The following PTPRD variants were observed in gnomAD, a reference collection of about 807,000 sequenced individuals.
PTPRD encodes the protein receptor-type tyrosine-protein phosphatase delta.
A neutral mutation model predicts 214.5 loss-of-function variants in PTPRD; 34 were observed. The ratio of observed to expected loss-of-function variants is 0.16; its 90% CI spans 0.12 to 0.21. PTPRD has a LOEUF of 0.21. Ranked by LOEUF, PTPRD falls within the 10% of genes least tolerant of loss-of-function variation. The pLI, the probability that PTPRD is intolerant of heterozygous loss-of-function variation, is 1.00. For synonymous variants in PTPRD, 1,128 were observed against 845.7 expected (o/e 1.33, Z -5.79); for missense variants, 2,545 against 2,398.7 (o/e 1.06, Z -1.27).
chr9:10,496,716 G>C (rs991361231), intron 2 of PTPRD, among the ~76,000 whole-genome samples: 1 of 151,962 alleles, frequency 6.6e-6, no homozygotes, highest in Non-Finnish European at 1.5e-5. Flanking sequence ...GTGATGTTGA[G>C]CATTTTTGCA....
chr9:9,778,510 G>A (rs955120064), intron 5 of PTPRD, among the ~76,000 whole-genome samples: 2 of 152,162 alleles, frequency 1.3e-5, no homozygotes, highest in African/African-American at 4.8e-5. Flanking sequence ...GTTCTCAGCT[G>A]ACCTCCGAGT....
At chr9:9,251,389 A>G (rs62532749) in intron 9 of PTPRD, among the ~76,000 whole-genome samples, 18,956 of 152,104 alleles carry the variant, frequency 0.12, 1,342 homozygotes, top group Middle Eastern at 0.16. Context: ...CCCTATACAT[A>G]TTCATACATA....
intron 44 of PTPRD, among the ~76,000 whole-genome samples, chr9:8,321,684 T>A (rs751545944): frequency 1.3e-5 from 2 of 151,634 alleles, no homozygotes; most frequent in Admixed American, 1.3e-4. Flanking sequence ...TTAAAGATAC[T>A]CTTTTCCTTA....
In PTPRD at chr9:10,034,003, G is replaced by C. The variant is rs542852635; in HGVS notation, c.-544-213C>G. On this transcript the variant is annotated intron_variant, in intron 3 of 45. Coordinates refer to ENST00000381196, the MANE Select transcript of PTPRD (RefSeq NM_002839.4). ...AGTATTGTAGCCTATAATATTTAAA[G>C]AATATACAGAATCTTTTAGAAGAAT... is the stretch of plus-strand genomic sequence containing the variant. Among the ~76,000 whole-genome samples the C allele has an allele frequency of 6.6e-5, 10 of 152,138 alleles. No individual in the cohort carries two copies. In the South Asian group the frequency reaches 2.1e-3, roughly 32 times the overall value.
intron 9 of PTPRD, among the ~76,000 whole-genome samples, chr9:9,265,262 T>C (rs937480532): frequency 3.3e-5 from 5 of 151,482 alleles, no homozygotes; most frequent in African/African-American, 7.3e-5. Context: ...TTGACTTGTG[T>C]TTATTTATTT....
At chr9:9,938,687 C>A (rs1246786633) in intron 4 of PTPRD, 77 bp from the exon 5 acceptor site, 2 of 152,108 alleles carry the variant, frequency 1.3e-5, no homozygotes, top group African/African-American at 4.8e-5. Flanking sequence ...TTATCTTTTC[C>A]TGTCACATTA....
chr9:9,230,685 C>T (rs6477376), intron 9 of PTPRD, among the ~76,000 whole-genome samples: 113,097 of 151,940 alleles, frequency 0.74, 42,382 homozygotes, highest in African/African-American at 0.76. Context: ...TTGCTTGGTA[C>T]GGAAAAACTC....
chr9:9,130,388 G>A (rs920736458), intron 10 of PTPRD, among the ~76,000 whole-genome samples: 2 of 152,056 alleles, frequency 1.3e-5, no homozygotes, highest in African/African-American at 2.4e-5. Flanking sequence ...TCCAAGTCAC[G>A]TAAACAGAAT....
At chr9:9,993,357 C>T (rs750974202) in intron 4 of PTPRD, among the ~76,000 whole-genome samples, 11 of 152,166 alleles carry the variant, frequency 7.2e-5, no homozygotes, top group Non-Finnish European at 1.3e-4. Flanking sequence ...CAAGAATGTT[C>T]AAGGTCGTAT....
intron 5 of PTPRD, among the ~76,000 whole-genome samples, chr9:9,845,644 G>C (rs1041136184): frequency 6.6e-6 from 1 of 151,968 alleles, no homozygotes; most frequent in African/African-American, 2.4e-5. Flanking sequence ...ATGTTGGATT[G>C]AGGCAGGTCT....
chr9:8,998,490 T>G (rs951302925), intron 11 of PTPRD, among the ~76,000 whole-genome samples: 4 of 151,974 alleles, frequency 2.6e-5, no homozygotes, highest in Non-Finnish European at 5.9e-5. Flanking sequence ...ACCTACTGCT[T>G]AGAAAAGAAA....
chr9:10,056,107 G>A (rs1010623247), intron 3 of PTPRD, among the ~76,000 whole-genome samples: 4 of 151,826 alleles, frequency 2.6e-5, no homozygotes, highest in Non-Finnish European at 4.4e-5. Context: ...CGGACCATGA[G>A]GTCAGGAGTT....
At chr9:8,927,454 T>C (rs901518208) in intron 11 of PTPRD, among the ~76,000 whole-genome samples, 1 of 152,002 alleles carries the variant, frequency 6.6e-6, no homozygotes. Flanking sequence ...TGAGAACATG[T>C]GGTGTTTGGT....
At chr9:9,506,170 C>A (rs900558851) in intron 8 of PTPRD, among the ~76,000 whole-genome samples, 1 of 151,344 alleles carries the variant, frequency 6.6e-6, no homozygotes, top group African/African-American at 2.4e-5. Flanking sequence ...AGTATTTCAC[C>A]TATAAAGATT....
chr9:10,460,522 G>C (rs890665383), intron 2 of PTPRD, among the ~76,000 whole-genome samples: 3 of 151,224 alleles, frequency 2.0e-5, no homozygotes, highest in African/African-American at 7.3e-5. Flanking sequence ...CTTGCATACA[G>C]ATACACAGAC....
intron 5 of PTPRD, among the ~76,000 whole-genome samples, chr9:9,885,681 A>G (rs902769442): frequency 3.3e-5 from 5 of 152,084 alleles, no homozygotes; most frequent in African/African-American, 1.2e-4. Flanking sequence ...TGGGGCCACA[A>G]GTCAAAGAAT....
intron 3 of PTPRD, among the ~76,000 whole-genome samples, chr9:10,229,739 T>C (rs2099602131): frequency 6.6e-6 from 1 of 151,586 alleles, no homozygotes; most frequent in Non-Finnish European, 1.5e-5. Flanking sequence ...CATCAGGAGA[T>C]ATACCTAATG....
At chr9:9,543,002 C>T (rs988984863) in intron 8 of PTPRD, among the ~76,000 whole-genome samples, 17 of 151,532 alleles carry the variant, frequency 1.1e-4, no homozygotes, top group Non-Finnish European at 2.2e-4. Flanking sequence ...TACATGAAAA[C>T]GTATGTCCAC....
At chr9:8,357,958 C>A (rs565404493) in intron 39 of PTPRD, among the ~76,000 whole-genome samples, 32 of 152,296 alleles carry the variant, frequency 2.1e-4, no homozygotes, top group Non-Finnish European at 1.5e-5. Flanking sequence ...ACAAAGGAAA[C>A]CAATACTTCT....
Sources: allele counts gnomAD v4.1 joint callset (sites outside exome capture counted in the v4.1 genomes callset), GRCh38; gene constraint gnomAD v4.1.1; transcripts MANE v1.5; gene names NCBI Gene and HGNC (gene_info 2026-07-23, HGNC 2026-07-21).